Variants in EPS15L1 observed in about 807,000 individuals in gnomAD.
The protein encoded by EPS15L1 is epidermal growth factor receptor substrate 15-like 1.
EPS15L1 carries 43 observed loss-of-function variants against 117.1 expected under a neutral mutation model. The observed-to-expected ratio is 0.37, with a 90% confidence interval of 0.29 to 0.47. EPS15L1 has a LOEUF of 0.47. Ranked by LOEUF, EPS15L1 falls within the 20% of genes least tolerant of loss-of-function variation. The pLI is 0.99. For missense variants in EPS15L1, 981 were observed against 1,164.0 expected (o/e 0.84, Z 2.29); for synonymous variants, 459 against 470.5 (o/e 0.98, Z 0.32).
intron 22 of EPS15L1, among the ~76,000 whole-genome samples, chr19:16,376,611 C>T (rs1337672039): frequency 6.6e-6 from 1 of 152,156 alleles, no homozygotes; most frequent in Non-Finnish European, 1.5e-5. Context: ...GACAATCTCC[C>T]GCTCCCTCCA....
Position 16,471,245 on chromosome 19 carries a change from T to A in EPS15L1, c.33+668A>T, listed in dbSNP as rs2093343942. On this transcript the variant is annotated intron_variant, in intron 1 of 23. Transcript: ENST00000455140. The surrounding 1 kb of genome is among the most constrained non-coding windows in gnomAD (Gnocchi z 4.8). ...CCCAGCACCTGACCCAACGCACATT[T>A]GAGGGATGGATAGAAAATGAATGAA... Among the ~76,000 whole-genome samples, 1 of 152,140 alleles carries A rather than the reference T, an allele frequency of 6.6e-6. No individual in the cohort carries two copies. Among genetic ancestry groups the A allele is most frequent in the Admixed American group, 6.5e-5 (1 of 15,276 alleles).
intron 1 of EPS15L1, among the ~76,000 whole-genome samples, chr19:16,464,243 T>C (rs1420845381): frequency 2.0e-5 from 3 of 152,298 alleles, no homozygotes; most frequent in East Asian, 3.9e-4. Context: ...CCAAAGCTTG[T>C]AGTATCAAGA....
intron 7 of EPS15L1, among the ~76,000 whole-genome samples, chr19:16,429,916 G>A (rs1268542465): frequency 6.6e-6 from 1 of 152,222 alleles, no homozygotes; most frequent in East Asian, 1.9e-4. Context: ...GGGCCATGCC[G>A]TGCACTGCAG....
At chr19:16,393,746 T>C (rs1438068725) in intron 18 of EPS15L1, among the ~76,000 whole-genome samples, 3 of 149,920 alleles carry the variant, frequency 2.0e-5, no homozygotes, top group Non-Finnish European at 3.0e-5. Flanking sequence ...CAGGGTGGGG[T>C]GCGGGCAGTG....
At chr19:16,460,274 T>C (rs1416024000) in intron 1 of EPS15L1, among the ~76,000 whole-genome samples, 1 of 151,910 alleles carries the variant, frequency 6.6e-6, no homozygotes, top group Non-Finnish European at 1.5e-5. Flanking sequence ...ACAGAGCCTG[T>C]CTCTAAAAAT....
chr19:16,437,978 G>C (rs1439403372), intron 4 of EPS15L1, 113 bp from the exon 5 acceptor site: 4 of 774,904 alleles, frequency 5.2e-6, no homozygotes, highest in South Asian at 3.3e-5. Flanking sequence ...AACAATGAAG[G>C]CCGTCCGTGC....
chr19:16,365,059 G>A lies in EPS15L1; in HGVS notation c.2381-3075C>T, dbSNP rs2092114801. Among the ~76,000 whole-genome samples, 1 of 152,238 alleles carries A rather than the reference G, an allele frequency of 6.6e-6. No homozygotes were observed. The highest frequency in any genetic ancestry group is 1.5e-5 in the Non-Finnish European group (1 of 68,038). ...TTTCCTGGCTATGCCTTGTCCCTCT[G>A]CCTGGAAGGCACTCCCAACTGGAAT... On this transcript the variant is annotated intron_variant, in intron 22 of 23. Coordinates refer to ENST00000455140, the MANE Select transcript of EPS15L1 (RefSeq NM_001258374.3). This position sits in a 1 kb window ranked among gnomAD's most constrained non-coding sequence, Gnocchi z 4.9.
chr19:16,471,902 C>A lies in EPS15L1; in HGVS notation c.33+11G>T, dbSNP rs1472214533. 3.8e-6 allele frequency: 5 copies of A among 1,300,772 alleles called. No individual in the cohort carries two copies. The highest frequency in any genetic ancestry group is 4.9e-6 in the Non-Finnish European group (5 of 1,025,228). 80.6% of individuals were successfully genotyped at this position (1,300,772 alleles called of 1,614,324 possible). ...ACCCCGGCGCCGCCCCCAGGCCCGC[C>A]CGGCCCGTACCTGCTGGGAGAGGGG... On this transcript the variant is annotated intron_variant, in intron 1 of 23. Coordinates refer to ENST00000455140, the MANE Select transcript of EPS15L1 (RefSeq NM_001258374.3). The surrounding 1 kb of genome is among the most constrained non-coding windows in gnomAD (Gnocchi z 4.8).
rs578022477 is a variant in EPS15L1 at position 16,436,950 on chromosome 19, T to G, written c.359A>C (p.His120Pro). Residue 120 changes from histidine (H) to proline (P), a missense_variant, in exon 6 of 24, where the codon CAC (histidine) becomes CCC (proline). Transcript: ENST00000455140. ...CCGTTCACTTACCCTCACAGCCCAG[T>G]GGGCCTCTGCAGAGGGCGGTGTGAC... ...LMVTPPSAEA[H>P]WAVRVEEKAK... 2.5e-6 allele frequency: 4 copies of G among 1,613,804 alleles called. No individual in the cohort carries two copies.
chr19:16,442,681 A>ACCAT (rs1230546101), intron 1 of EPS15L1, among the ~76,000 whole-genome samples: 1 of 152,160 alleles, frequency 6.6e-6, no homozygotes, highest in Non-Finnish European at 1.5e-5. Context: ...CTGGTTCTCA[A>ACCAT]CCATCCCATC....
At chr19:16,434,668 C>CT (rs1307174152) in intron 6 of EPS15L1, 178 bp from the exon 7 acceptor site, 12 of 625,274 alleles carry the variant, frequency 1.9e-5, no homozygotes, top group Admixed American at 1.3e-4. Flanking sequence ...AACATATACC[C>CT]TGAAGGAAAT....
intron 1 of EPS15L1, among the ~76,000 whole-genome samples, chr19:16,459,017 A>G (rs1159923265): frequency 2.0e-5 from 3 of 152,264 alleles, no homozygotes; most frequent in African/African-American, 7.2e-5. Flanking sequence ...CTCCCAGGCT[A>G]CAAACCTGGG....
At chr19:16,443,956 C>T (rs2093056977) in intron 1 of EPS15L1, among the ~76,000 whole-genome samples, 1 of 147,592 alleles carries the variant, frequency 6.8e-6, no homozygotes, top group Non-Finnish European at 1.5e-5. Flanking sequence ...CCCAGCTACT[C>T]AGGAGGCTGA....
intron 12 of EPS15L1, among the ~76,000 whole-genome samples, chr19:16,414,151 G>A (rs746245295): frequency 6.6e-6 from 1 of 152,156 alleles, no homozygotes; most frequent in African/African-American, 2.4e-5. Context: ...CGCCCTTGCT[G>A]ACTTTGAAGG....
At chr19:16,395,208 A>G in intron 17 of EPS15L1, 136 bp downstream of exon 17, 1 of 912,966 alleles carries the variant, frequency 1.1e-6, no homozygotes, top group Non-Finnish European at 1.6e-6. Flanking sequence ...CTCCAAAAAA[A>G]AAAAAAAAAA....
At chr19:16,420,465 A>C (rs540838001) in intron 10 of EPS15L1, among the ~76,000 whole-genome samples, 2 of 152,328 alleles carry the variant, frequency 1.3e-5, no homozygotes, top group Non-Finnish European at 2.9e-5. Flanking sequence ...CACTGTCCCT[A>C]GCCAGTTGGA....
At chr19:16,379,174 G>A (rs897362297) in intron 21 of EPS15L1, among the ~76,000 whole-genome samples, 8 of 152,108 alleles carry the variant, frequency 5.3e-5, no homozygotes, top group Non-Finnish European at 1.2e-4. Context: ...TCGTGGTGGC[G>A]GGCGCCTGTA....
At position 16,428,729 on chromosome 19, in the gene EPS15L1, C is replaced by T. The variant is rs1324012155; in HGVS notation, c.531G>A (p.Gly177=). ...CAGCGAACTCATCTCGATCCAAGTG[C>T]CCATCCTTGTCAATGTCACTGAGGT... ...VWDLSDIDKD[G]HLDRDEFAVA... is the part of the protein sequence containing the mutation. Residue 177 remains glycine (G), a synonymous_variant, in exon 8 of 24, where the codon GGG becomes GGA. Transcript: ENST00000455140. 1 of 1,611,412 alleles carries T rather than the reference C, an allele frequency of 6.2e-7. No homozygotes were observed. Among genetic ancestry groups the T allele is most frequent in the Non-Finnish European group, 8.5e-7 (1 of 1,179,118 alleles).
rs748744240 is a variant in EPS15L1 at position 16,425,218 on chromosome 19, G to A, written c.657C>T (p.Phe219=). ...IPPSKRKKTV[F]PGAVPVLPAS... Reference sequence around the variant, plus strand: ...CAGGCAGGACGGGGACGGCGCCAGGGAACACAGTCTTCTTTCTCTTGGAGG... The same window carrying A: ...CAGGCAGGACGGGGACGGCGCCAGGAAACACAGTCTTCTTTCTCTTGGAGG... The change falls in exon 9 of 24, where the codon TTC becomes TTT. Residue 219 remains phenylalanine, a synonymous_variant. Transcript: ENST00000455140. 7.2e-7 allele frequency: 1 copy of A among 1,387,614 alleles called. No homozygotes were observed. The highest frequency in any genetic ancestry group is 9.7e-7 in the Non-Finnish European group (1 of 1,032,906). The allele number at this position is 1,387,614 out of a possible 1,614,324, so 86.0% of individuals were successfully genotyped here. A position where few individuals can be genotyped will look rare whatever the true frequency, so the allele number is the denominator to read the frequency against.
Sources: allele counts gnomAD v4.1 joint callset (sites outside exome capture counted in the v4.1 genomes callset), GRCh38; gene constraint gnomAD v4.1.1; non-coding constraint Gnocchi (gnomAD v3.1); transcripts MANE v1.5; gene names NCBI Gene and HGNC (gene_info 2026-07-23, HGNC 2026-07-21).